Variants in MICU3 observed in about 807,000 individuals in gnomAD.
MICU3 encodes mitochondrial calcium uptake 3.
A neutral mutation model predicts 66.5 loss-of-function variants in MICU3; 62 were observed. The ratio of observed to expected loss-of-function variants is 0.93; its 90% CI spans 0.76 to 1.15. The LOEUF is 1.15. Ranked by LOEUF, MICU3 falls within the 50% of genes most tolerant of loss-of-function variation. MICU3 has a pLI of 0.00. For synonymous variants in MICU3, 308 were observed against 240.7 expected, an observed-to-expected ratio of 1.28 and a Z score of -2.59; for missense variants, 779 against 664.4, an observed-to-expected ratio of 1.17 and a Z score of -1.90.
chr8:17,109,126 G>T (rs1801987564), intron 11 of MICU3, among the ~76,000 whole-genome samples: 1 of 151,798 alleles, frequency 6.6e-6, no homozygotes, highest in Non-Finnish European at 1.5e-5. Flanking sequence ...CCCTCTCCTG[G>T]CTGTCCTTAT....
intron 4 of MICU3, 27 bp from the exon 5 acceptor site, chr8:17,081,666 A>G (rs1296128709): frequency 6.9e-6 from 5 of 729,298 alleles, no homozygotes; most frequent in Non-Finnish European, 6.5e-6. Flanking sequence ...TATTTTATAT[A>G]TATAACTGAT....
intron 9 of MICU3, among the ~76,000 whole-genome samples, chr8:17,100,942 T>C (rs1173573393): frequency 6.6e-6 from 1 of 151,878 alleles, no homozygotes; most frequent in Admixed American, 6.6e-5. Context: ...TTAAATTTGC[T>C]TTAAATTACA....
At chr8:17,107,796 T>G (rs1801866760) in intron 11 of MICU3, among the ~76,000 whole-genome samples, 1 of 152,212 alleles carries the variant, frequency 6.6e-6, no homozygotes, top group Admixed American at 6.5e-5. Flanking sequence ...ATTCAGCAAA[T>G]ATTCAACAAG....
At chr8:17,046,039 C>T (rs1187229142) in intron 1 of MICU3, among the ~76,000 whole-genome samples, 2 of 152,202 alleles carry the variant, frequency 1.3e-5, no homozygotes, top group Non-Finnish European at 2.9e-5. Context: ...TTGCAGTGTC[C>T]TTTATAATAA....
intron 2 of MICU3, among the ~76,000 whole-genome samples, chr8:17,066,778 C>G (rs189547203): frequency 1.6e-3 from 240 of 151,974 alleles, no homozygotes; most frequent in Non-Finnish European, 2.9e-3. Context: ...AACTCCTGGG[C>G]TCGAGCAGTC....
rs886427961 is a variant in MICU3, at chr8:17,028,150, T to C, written c.381+490T>C. On this transcript the variant is annotated intron_variant, in intron 1 of 14. Coordinates refer to ENST00000318063, the MANE Select transcript of MICU3 (RefSeq NM_181723.3). Reference sequence around the variant, plus strand: ...GTCCCAAGAAAGGAAATGCTAAACCTGCATGCTAACGCCCTTATCATACCC... The same window carrying C: ...GTCCCAAGAAAGGAAATGCTAAACCCGCATGCTAACGCCCTTATCATACCC... 2.8e-4 allele frequency among the ~76,000 whole-genome samples: 43 copies of C among 152,260 alleles called. 1 individual carries two copies. Among genetic ancestry groups the C allele is most frequent in the African/African-American group, 1.0e-3 (43 of 41,572 alleles).
chr8:17,050,149 A>T (rs1404712496), intron 1 of MICU3, among the ~76,000 whole-genome samples: 4 of 152,172 alleles, frequency 2.6e-5, no homozygotes, highest in Non-Finnish European at 5.9e-5. Flanking sequence ...TGTCGGATCT[A>T]TAGCTATTAA....
chr8:17,127,602 A>G (rs968001542), downstream of MICU3, among the ~76,000 whole-genome samples: 3 of 152,238 alleles, frequency 2.0e-5, no homozygotes, highest in Non-Finnish European at 4.4e-5. Flanking sequence ...AGCAAAAGGA[A>G]ATACTAAATA....
intron 4 of MICU3, among the ~76,000 whole-genome samples, chr8:17,080,817 C>A (rs1162513626): frequency 6.6e-6 from 1 of 152,058 alleles, no homozygotes; most frequent in Non-Finnish European, 1.5e-5. Flanking sequence ...CAAAGAACAT[C>A]AGATAAAATG....
chr8:17,046,284 T>C (rs1815068205), intron 1 of MICU3, among the ~76,000 whole-genome samples: 2 of 152,090 alleles, frequency 1.3e-5, no homozygotes, highest in South Asian at 4.1e-4. Flanking sequence ...GGACACCCAG[T>C]TGGTGGCTGC....
At chr8:17,111,701 T>C (rs1440372083) in intron 11 of MICU3, among the ~76,000 whole-genome samples, 2 of 152,216 alleles carry the variant, frequency 1.3e-5, no homozygotes, top group South Asian at 2.1e-4. Context: ...ATAAATGGTA[T>C]GAAGTTAGGG....
At chr8:17,053,579 G>A (rs549648792) in intron 1 of MICU3, among the ~76,000 whole-genome samples, 9 of 152,088 alleles carry the variant, frequency 5.9e-5, no homozygotes, top group Non-Finnish European at 1.0e-4. Flanking sequence ...TTATTTTTCT[G>A]GGAAAGATGA....
chr8:17,098,366 C>A (rs747853751), intron 8 of MICU3, 92 bp from the exon 9 acceptor site: 1 of 885,818 alleles, frequency 1.1e-6, no homozygotes, highest in Non-Finnish European at 1.9e-6. Context: ...AATGTGTTTC[C>A]TTTTCAAGGT....
intron 9 of MICU3, among the ~76,000 whole-genome samples, chr8:17,102,917 C>T (rs1285769208): frequency 1.3e-5 from 2 of 151,836 alleles, no homozygotes; most frequent in Non-Finnish European, 2.9e-5. Flanking sequence ...CAAACAATGA[C>T]AAGGAGGTTA....
At chr8:17,071,586 C>T (rs543525585) in intron 3 of MICU3, among the ~76,000 whole-genome samples, 1 of 151,208 alleles carries the variant, frequency 6.6e-6, no homozygotes, top group South Asian at 2.1e-4. Flanking sequence ...ACAATTGAGA[C>T]CATAATATGT....
At position 17,118,705 on chromosome 8, in the gene MICU3, A is replaced by G. The variant is rs1563403649; in HGVS notation, c.1525-2A>G. 1 of 1,601,988 alleles carries G rather than the reference A, an allele frequency of 6.2e-7. No homozygotes were observed. On this transcript the variant is annotated splice_acceptor_variant, in intron 13 of 14. Coordinates refer to ENST00000318063, the MANE Select transcript of MICU3 (RefSeq NM_181723.3). LOFTEE classifies it high-confidence loss of function. The stretch of plus-strand genomic sequence containing the variant: ...TGCACACTTTGCTCTTCTGTTTTAC[A>G]GGGTTATAAAACAGTCCAGAAGTAC...
At chr8:17,128,788 T>C in the MICU3 span, among the ~76,000 whole-genome samples, 3 of 152,118 alleles carry the variant, frequency 2.0e-5, no homozygotes, top group Non-Finnish European at 4.4e-5. Context: ...ATGGCAGAAA[T>C]GGGACCAGAG....
At chr8:17,081,899 T>A in intron 5 of MICU3, 159 bp downstream of exon 5, 1 of 487,680 alleles carries the variant, frequency 2.1e-6, no homozygotes, top group Non-Finnish European at 3.7e-6. Context: ...CATAGCACTG[T>A]AAAGAGTCAA....
At chr8:17,032,161 G>A (rs1006540133) in intron 1 of MICU3, among the ~76,000 whole-genome samples, 2 of 152,216 alleles carry the variant, frequency 1.3e-5, no homozygotes, top group African/African-American at 4.8e-5. Context: ...GACGACTTCA[G>A]TAAAGGTCAA....
Sources: allele counts gnomAD v4.1 joint callset (sites outside exome capture counted in the v4.1 genomes callset), GRCh38; gene constraint gnomAD v4.1.1; transcripts MANE v1.5; gene names NCBI Gene and HGNC (gene_info 2026-07-23, HGNC 2026-07-21).